REPS2: variants seen among roughly 807,000 people sequenced by gnomAD.
The protein encoded by REPS2 is ralBP1-associated Eps domain-containing protein 2.
Under a neutral mutation model 53.6 loss-of-function variants are expected in REPS2, and 23 were observed. The ratio of observed to expected loss-of-function variants is 0.43; its 90% CI spans 0.31 to 0.61. The LOEUF (loss-of-function observed/expected upper bound fraction) is 0.61, where lower values mean the gene tolerates loss of function less well. Among genes scored for constraint, REPS2 ranks in the 20% least tolerant of loss-of-function variants. REPS2 has a pLI of 0.11. For missense variants in REPS2, 446 were observed against 534.9 expected, an observed-to-expected ratio of 0.83 and a Z score of 1.64; for synonymous variants, 238 against 218.6, an observed-to-expected ratio of 1.09 and a Z score of -0.78.
At chrX:17,053,998 C>T (rs2062034891) in intron 7 of REPS2, among the ~76,000 whole-genome samples, 1 of 112,256 alleles carries the variant, frequency 8.9e-6, no homozygotes, top group Non-Finnish European at 1.9e-5. Flanking sequence ...TATGCTTGTC[C>T]TAACACAAGT....
chrX:16,973,733 A>G (rs1457166366), intron 1 of REPS2, among the ~76,000 whole-genome samples: 4 of 111,246 alleles, frequency 3.6e-5, no homozygotes, highest in Non-Finnish European at 5.7e-5. Flanking sequence ...TTTACTTAAC[A>G]TTTGCTACAT....
At position 17,000,412 on chromosome X, in the gene REPS2, C is replaced by T. The variant is rs368159130; in HGVS notation, c.274-5809C>T. On this transcript the variant is annotated intron_variant, in intron 1 of 17. Coordinates refer to ENST00000357277, the MANE Select transcript of REPS2 (RefSeq NM_004726.3). ...TTCCAAGTAGCTGGGACTACAGGCA[C>T]GGGCCTCCACATCTGGCTGTGTTTG... Among the ~76,000 whole-genome samples the T allele has an allele frequency of 3.6e-4, 40 of 111,841 alleles. No individual in the cohort carries two copies. In the East Asian group the frequency reaches 5.9e-3, roughly 16 times the overall value.
chrX:17,052,466 A>G (rs773805670), intron 7 of REPS2, 21 bp downstream of exon 7: 13 of 1,113,758 alleles, frequency 1.2e-5, no homozygotes, highest in Non-Finnish European at 1.6e-5. Context: ...TTAATGCCAT[A>G]TGACATTCAT....
At chrX:17,051,528 C>CT (rs758485472) in intron 6 of REPS2, among the ~76,000 whole-genome samples, 19 of 111,869 alleles carry the variant, frequency 1.7e-4, no homozygotes, top group African/African-American at 5.8e-4. Context: ...AATTTCATTC[C>CT]TTTTTATGGC....
the REPS2 span, among the ~76,000 whole-genome samples, chrX:17,160,894 C>G: frequency 8.9e-6 from 1 of 111,900 alleles, no homozygotes; most frequent in Non-Finnish European, 1.9e-5. Flanking sequence ...GATGCCTGTC[C>G]CACCATTGTA....
intron 7 of REPS2, among the ~76,000 whole-genome samples, chrX:17,053,771 G>A (rs1040968605): frequency 2.7e-5 from 3 of 111,726 alleles, no homozygotes; most frequent in African/African-American, 9.8e-5. Context: ...GTTGAGACAC[G>A]CCTATGAAAG....
intron 7 of REPS2, among the ~76,000 whole-genome samples, chrX:17,052,690 A>G (rs2062019516): frequency 8.9e-6 from 1 of 112,482 alleles, no homozygotes; most frequent in African/African-American, 3.2e-5. Context: ...TTTCCTAATT[A>G]TTATCCCCAT....
intron 9 of REPS2, 131 bp from the exon 10 acceptor site, chrX:17,068,271 G>C: frequency 5.4e-6 from 2 of 373,620 alleles, no homozygotes; most frequent in Non-Finnish European, 9.5e-6. Flanking sequence ...CCGAGATCGC[G>C]CCACTGCACT....
rs967669803 is a variant in REPS2, at chrX:17,007,390, C to T, written c.397+1046C>T. On this transcript the variant is annotated intron_variant, in intron 2 of 17. Coordinates refer to ENST00000357277, the MANE Select transcript of REPS2 (RefSeq NM_004726.3). ...ACCCTACTAAATTAGGTACTTGTGT[C>T]AGTTTGATTGCTTAGGATAAGCTGC... Among the ~76,000 whole-genome samples the T allele has an allele frequency of 2.7e-5, 3 of 112,308 alleles. No individual in the cohort carries two copies. In the Admixed American group the frequency reaches 2.8e-4, roughly 11 times the overall value.
intron 14 of REPS2, among the ~76,000 whole-genome samples, chrX:17,121,716 A>AC (rs1414307383): frequency 9.1e-6 from 1 of 110,138 alleles, no homozygotes; most frequent in Non-Finnish European, 1.9e-5. Context: ...GATTTTTAAA[A>AC]CTTTTTTTTT....
chrX:17,008,900 A>G (rs1361928960), intron 2 of REPS2, among the ~76,000 whole-genome samples: 1 of 110,769 alleles, frequency 9.0e-6, no homozygotes, highest in Non-Finnish European at 1.9e-5. Context: ...AGTCCTTCCC[A>G]TTTCGGTAAA....
chrX:17,060,190 C>A (rs1234413875), intron 8 of REPS2, among the ~76,000 whole-genome samples: 1 of 110,305 alleles, frequency 9.1e-6, no homozygotes, highest in African/African-American at 3.3e-5. Context: ...TGGTCCCCAG[C>A]TACTCGGGTG....
intron 17 of REPS2, 49 bp downstream of exon 17, chrX:17,139,010 T>TAA: frequency 4.6e-6 from 4 of 862,704 alleles, no homozygotes; most frequent in Non-Finnish European, 6.5e-6. Flanking sequence ...CCCTGGCTTT[T>TAA]AAAAAGCTTT....
At chrX:17,052,484 T>C in intron 7 of REPS2, 39 bp downstream of exon 7, 2 of 1,029,402 alleles carry the variant, frequency 1.9e-6, no homozygotes, top group Non-Finnish European at 2.7e-6. Flanking sequence ...CATACCATCA[T>C]CCATAACTCA....
At chrX:17,104,260 G>A (rs761993769) in intron 14 of REPS2, among the ~76,000 whole-genome samples, 1 of 111,856 alleles carries the variant, frequency 8.9e-6, no homozygotes, top group Admixed American at 9.5e-5. Flanking sequence ...TTTTTCCTCA[G>A]AACAAAAAGC....
At chrX:16,988,428 A>C (rs2061118679) in intron 1 of REPS2, among the ~76,000 whole-genome samples, 1 of 112,609 alleles carries the variant, frequency 8.9e-6, no homozygotes, top group South Asian at 3.6e-4. Context: ...ACATACAAAA[A>C]TGAGTTGTAT....
intron 1 of REPS2, among the ~76,000 whole-genome samples, chrX:16,952,382 C>G (rs1347903444): frequency 3.6e-5 from 4 of 111,596 alleles, no homozygotes; most frequent in Admixed American, 9.6e-5. Flanking sequence ...CCGGCTTCAT[C>G]CATGTTGGTT....
At chrX:17,191,197 C>A in the REPS2 span, among the ~76,000 whole-genome samples, 3 of 112,004 alleles carry the variant, frequency 2.7e-5, no homozygotes, top group African/African-American at 9.7e-5. Flanking sequence ...AAAATACTTA[C>A]AAATCACAAT....
the REPS2 span, among the ~76,000 whole-genome samples, chrX:17,186,097 G>A: frequency 0.015 from 1,660 of 112,584 alleles, 27 homozygotes; most frequent in African/African-American, 0.051. Flanking sequence ...GAAGCAAGTC[G>A]TTAAATTAGT....
Sources: gnomAD v4.1 joint callset for allele counts (sites outside exome capture counted in the v4.1 genomes callset) on GRCh38, gnomAD v4.1.1 for gene constraint, MANE v1.5 for transcripts, NCBI Gene and HGNC (gene_info 2026-07-23, HGNC 2026-07-21) for gene names.